The following NKAIN3 variants were observed in gnomAD, a reference collection of about 807,000 sequenced individuals.
NKAIN3 encodes sodium/potassium transporting ATPase interacting 3.
In NKAIN3, 25 loss-of-function variants were observed where a neutral mutation model predicts 30.2. The ratio of observed to expected loss-of-function variants is 0.83; its 90% CI spans 0.60 to 1.16. The LOEUF (loss-of-function observed/expected upper bound fraction) is 1.16. Ranked by LOEUF, NKAIN3 falls within the 50% of genes most tolerant of loss-of-function variation. The probability of loss-of-function intolerance (pLI) is 0.00; values close to 1 mark genes in which losing one functional copy is unlikely to be tolerated. For missense variants in NKAIN3, 225 were observed against 254.1 expected (o/e 0.89, Z 0.78); for synonymous variants, 91 against 89.6 (o/e 1.02, Z -0.09).
At chr8:62,801,029 G>A (rs1057094017) in intron 4 of NKAIN3, among the ~76,000 whole-genome samples, 29 of 152,196 alleles carry the variant, frequency 1.9e-4, no homozygotes, top group Non-Finnish European at 8.8e-5. Flanking sequence ...ACAGCAGTCT[G>A]AGATCAAACT....
chr8:62,706,837 C>T (rs1442127445), intron 3 of NKAIN3, among the ~76,000 whole-genome samples: 2 of 152,032 alleles, frequency 1.3e-5, no homozygotes, highest in African/African-American at 2.4e-5. Context: ...TTGCTCCCCT[C>T]CCACTCTTCC....
chr8:62,836,943 A>G (rs1819384438), intron 4 of NKAIN3, among the ~76,000 whole-genome samples: 1 of 152,122 alleles, frequency 6.6e-6, no homozygotes, highest in African/African-American at 2.4e-5. Flanking sequence ...TTTCCTGGAA[A>G]GTTGAAGTGT....
intron 1 of NKAIN3, among the ~76,000 whole-genome samples, chr8:62,276,724 G>T (rs906680860): frequency 9.9e-5 from 15 of 152,104 alleles, no homozygotes; most frequent in Admixed American, 2.6e-4. Context: ...AAACGTAAAG[G>T]CCAGGAATTT....
chr8:62,779,640 G>A (rs1403908320), intron 4 of NKAIN3, among the ~76,000 whole-genome samples: 2 of 152,108 alleles, frequency 1.3e-5, no homozygotes, highest in East Asian at 1.9e-4. Context: ...AGAATATTTT[G>A]TGCAACATTG....
chr8:62,352,911 G>A (rs1163462910), intron 1 of NKAIN3, among the ~76,000 whole-genome samples: 5 of 152,166 alleles, frequency 3.3e-5, no homozygotes, highest in Non-Finnish European at 7.3e-5. Context: ...ATGAATTAAT[G>A]ATATAAATTC....
At chr8:62,334,029 A>G (rs1815446494) in intron 1 of NKAIN3, among the ~76,000 whole-genome samples, 2 of 152,098 alleles carry the variant, frequency 1.3e-5, no homozygotes. Flanking sequence ...AATATGGAGA[A>G]GCAGCTGAAA....
intron 4 of NKAIN3, among the ~76,000 whole-genome samples, chr8:62,904,258 C>T (rs1293564323): frequency 6.6e-6 from 1 of 152,130 alleles, no homozygotes; most frequent in Non-Finnish European, 1.5e-5. Flanking sequence ...CTGGAAAAGT[C>T]TTATCCTATC....
At chr8:62,424,768 G>T (rs1309092118) in intron 1 of NKAIN3, among the ~76,000 whole-genome samples, 1 of 151,848 alleles carries the variant, frequency 6.6e-6, no homozygotes, top group East Asian at 1.9e-4. Flanking sequence ...TAGAAATATG[G>T]TATGATCCAG....
At chr8:62,955,282 C>A (rs185820630) in intron 6 of NKAIN3, among the ~76,000 whole-genome samples, 2 of 152,276 alleles carry the variant, frequency 1.3e-5, no homozygotes, top group Admixed American at 1.3e-4. Context: ...AGAACATTCA[C>A]CCTATATAAC....
chr8:62,422,720 T>C (rs1804682167), intron 1 of NKAIN3, among the ~76,000 whole-genome samples: 1 of 152,164 alleles, frequency 6.6e-6, no homozygotes, highest in Admixed American at 6.6e-5. Flanking sequence ...AGGTGTTTAC[T>C]GTATTCCATC....
At chr8:62,914,000 C>T (rs534353848) in intron 4 of NKAIN3, among the ~76,000 whole-genome samples, 3 of 152,214 alleles carry the variant, frequency 2.0e-5, no homozygotes, top group African/African-American at 7.2e-5. Context: ...TGGGTATATA[C>T]CCAAAGGAAT....
chr8:62,899,667 G>C (rs1821541169), intron 4 of NKAIN3, among the ~76,000 whole-genome samples: 1 of 152,092 alleles, frequency 6.6e-6, no homozygotes, highest in South Asian at 2.1e-4. Context: ...ATAAGACCTA[G>C]TATTTGATAG....
At chr8:62,491,601 G>A (rs1807068660) in intron 1 of NKAIN3, among the ~76,000 whole-genome samples, 1 of 152,148 alleles carries the variant, frequency 6.6e-6, no homozygotes, top group Non-Finnish European at 1.5e-5. Flanking sequence ...ATTCACTGTA[G>A]CCTGAATAAA....
intron 4 of NKAIN3, among the ~76,000 whole-genome samples, chr8:62,781,701 G>T (rs969479522): frequency 2.6e-5 from 4 of 151,290 alleles, no homozygotes; most frequent in African/African-American, 9.7e-5. Flanking sequence ...CAAAAAAAAA[G>T]AAACTAGATA....
At position 62,522,395 on chromosome 8, in the gene NKAIN3, A is replaced by G. The variant is rs147924468; in HGVS notation, c.55-57144A>G. 4.0e-3 allele frequency among the ~76,000 whole-genome samples: 612 copies of G among 152,254 alleles called. 2 individuals carry two copies. The highest frequency in any genetic ancestry group is 6.5e-3 in the Non-Finnish European group (440 of 68,026). ...CAAAAATACTTGATAATGATAGTAC[A>G]TGACTATGTTGCTAGTTTATTTACT... is the stretch of plus-strand genomic sequence containing the variant. On this transcript the variant is annotated intron_variant, in intron 1 of 6. Coordinates refer to ENST00000623646, the MANE Select transcript of NKAIN3 (RefSeq NM_001304533.3).
intron 3 of NKAIN3, among the ~76,000 whole-genome samples, chr8:62,667,662 C>T (rs1011516221): frequency 8.6e-5 from 13 of 152,012 alleles, no homozygotes; most frequent in Admixed American, 2.0e-4. Context: ...CTCGCCACCC[C>T]GCTGGTGCTT....
intron 3 of NKAIN3, among the ~76,000 whole-genome samples, chr8:62,645,479 T>A (rs1207998884): frequency 6.6e-6 from 1 of 152,156 alleles, no homozygotes; most frequent in Non-Finnish European, 1.5e-5. Flanking sequence ...TTAATTTAAA[T>A]ATTAATTAGG....
At chr8:62,402,948 G>T (rs1803934279) in intron 1 of NKAIN3, among the ~76,000 whole-genome samples, 1 of 152,140 alleles carries the variant, frequency 6.6e-6, no homozygotes, top group African/African-American at 2.4e-5. Flanking sequence ...GACTTGGTGG[G>T]CTCAGAAGAC....
intron 4 of NKAIN3, among the ~76,000 whole-genome samples, chr8:62,774,362 T>C (rs1817116977): frequency 6.6e-6 from 1 of 152,248 alleles, no homozygotes; most frequent in Admixed American, 6.5e-5. Context: ...CAAGGATCAC[T>C]TAACTTATTC....
Sources: gnomAD v4.1 joint callset for allele counts (sites outside exome capture counted in the v4.1 genomes callset) on GRCh38, gnomAD v4.1.1 for gene constraint, MANE v1.5 for transcripts, NCBI Gene and HGNC (gene_info 2026-07-23, HGNC 2026-07-21) for gene names.